The following KRTAP5-9 variants were observed in gnomAD, a reference collection of about 807,000 sequenced individuals.
KRTAP5-9 encodes keratin-associated protein 5-9.
A neutral mutation model predicts 3.0 loss-of-function variants in KRTAP5-9; 2 were observed. That is an observed-to-expected ratio of 0.67 (90% CI 0.27 to 2.09). The LOEUF (loss-of-function observed/expected upper bound fraction) is 2.09. Among genes scored for constraint, KRTAP5-9 ranks in the 30% most tolerant of loss-of-function variants. The pLI is 0.14. For missense variants in KRTAP5-9, 183 were observed against 204.2 expected, an observed-to-expected ratio of 0.90 and a Z score of 0.63; for synonymous variants, 70 against 81.2, an observed-to-expected ratio of 0.86 and a Z score of 0.74.
Position 71,548,583 on chromosome 11 carries a change from G to A in KRTAP5-9, c.-75G>A. 1 of 1,561,866 alleles carries A rather than the reference G, an allele frequency of 6.4e-7. No homozygotes were observed. Among genetic ancestry groups the A allele is most frequent in the Non-Finnish European group, 8.6e-7 (1 of 1,158,990 alleles). ...TCCTATGTGGGATATAAAGAGCCGG[G>A]GCTCAGGGGGCTCCACACCTGCACC... On this transcript the variant is annotated 5_prime_UTR_variant, in exon 1 of 1. Transcript: ENST00000528743.
In KRTAP5-9 at chr11:71,549,378, G is replaced by A; in HGVS notation, c.*211G>A. On this transcript the variant is annotated 3_prime_UTR_variant, in exon 1 of 1. Coordinates refer to ENST00000528743, the MANE Select transcript of KRTAP5-9 (RefSeq NM_005553.4). ...GCAATTTTGCCCCTCTTTCCCACAT[G>A]CCCCCATATGTCTGAGCCAAACTGC... 1 of 716,660 alleles carries A rather than the reference G, an allele frequency of 1.4e-6. No individual in the cohort carries two copies. Among genetic ancestry groups the A allele is most frequent in the Non-Finnish European group, 2.3e-6 (1 of 430,576 alleles). The allele number at this position is 716,660 out of a possible 1,614,324, so 44.4% of individuals were successfully genotyped here. A position where few individuals can be genotyped will look rare whatever the true frequency, so the allele number is the denominator to read the frequency against.
At position 71,549,225 on chromosome 11, in the gene KRTAP5-9, T is replaced by C; in HGVS notation, c.*58T>C. 1 of 1,606,776 alleles carries C rather than the reference T, an allele frequency of 6.2e-7. No homozygotes were observed. On this transcript the variant is annotated 3_prime_UTR_variant, in exon 1 of 1. Coordinates refer to ENST00000528743, the MANE Select transcript of KRTAP5-9 (RefSeq NM_005553.4). ...AGATCTGTGCTTTCCAACAAGTGACTACCCTTGAAGCACATCCCCTTCTGG... is the reference window on the plus strand; with the variant it reads ...AGATCTGTGCTTTCCAACAAGTGACCACCCTTGAAGCACATCCCCTTCTGG...
Position 71,548,772 on chromosome 11 carries a change from G to A in KRTAP5-9, c.115G>A (p.Val39Ile), listed in dbSNP as rs146869772. 4.3e-4 allele frequency: 688 copies of A among 1,613,260 alleles called. 4 individuals are homozygous for A. In the African/African-American group the frequency reaches 8.2e-3, roughly 19 times the overall value. The change falls in exon 1 of 1, where the codon GTC becomes ATC. Residue 39 changes from valine (V) to isoleucine (I), a missense_variant. Transcript: ENST00000528743. The stretch of plus-strand genomic sequence containing the variant: ...CTGTGGCCCCAGCTGCTGTGCACCC[G>A]TCTACTGCTGCAAGCCCGTGTGCTG... ...RGCGPSCCAP[V>I]YCCKPVCCCV... is the part of the protein sequence containing the mutation.
chr11:71,549,121 C>G lies in KRTAP5-9; in HGVS notation c.464C>G (p.Ser155Cys), dbSNP rs764178563. Reference protein sequence around the residue: ...CQSSCCKPCCSQSRCCVPVCY... With the variant: ...CQSSCCKPCCCQSRCCVPVCY... ...TCCAGCTGCTGCAAGCCCTGCTGCTCCCAGTCCAGATGCTGTGTCCCTGTG... is the reference window on the plus strand; with the variant it reads ...TCCAGCTGCTGCAAGCCCTGCTGCTGCCAGTCCAGATGCTGTGTCCCTGTG... The change falls in exon 1 of 1, where the codon TCC becomes TGC. Residue 155 changes from serine (S) to cysteine (C), a missense_variant. Transcript: ENST00000528743. 12 of 1,613,908 alleles carry G rather than the reference C, an allele frequency of 7.4e-6. No individual in the cohort carries two copies. In the South Asian group the frequency reaches 1.3e-4, roughly 18 times the overall value.
chr11:71,548,712 T>C lies in KRTAP5-9; in HGVS notation c.55T>C (p.Ser19Pro), dbSNP rs372093334. The C allele has an allele frequency of 2.5e-6, 4 of 1,612,814 alleles. No individual in the cohort carries two copies. The African/African-American group carries it at 5.3e-5, about 22-fold the overall frequency. ...GCGSSCGGCD[S>P]SCGSCGSGCR... The stretch of plus-strand genomic sequence containing the variant: ...TGGCTCCAGCTGTGGAGGCTGTGAC[T>C]CCAGCTGTGGGAGCTGTGGCTCTGG... Residue 19 changes from serine to proline, a missense_variant, in exon 1 of 1, where the codon TCC (serine) becomes CCC (proline). Physicochemically the swap from Ser to Pro is moderately conservative, Grantham distance 74 (BLOSUM62 -1). Coordinates refer to ENST00000528743, the MANE Select transcript of KRTAP5-9 (RefSeq NM_005553.4).
Position 71,549,480 on chromosome 11 carries a change from T to G in KRTAP5-9, c.*313T>G. ...AATTCCATGGGAGACAGCAAACCCT[T>G]CTTTCCTTTGCCTGCCAGGAGCTTC... On this transcript the variant is annotated 3_prime_UTR_variant, in exon 1 of 1. Coordinates refer to ENST00000528743, the MANE Select transcript of KRTAP5-9 (RefSeq NM_005553.4). 1 of 491,904 alleles carries G rather than the reference T, an allele frequency of 2.0e-6. No individual in the cohort carries two copies. The highest frequency in any genetic ancestry group is 3.7e-5 in the East Asian group (1 of 27,322). 30.5% of individuals were successfully genotyped at this position (491,904 alleles called of 1,614,324 possible).
rs1950113514 is a variant in KRTAP5-9 at position 71,549,566 on chromosome 11, A to G, written c.*399A>G. ...GATCACATGTATCTATGGAAATCCA[A>G]AATGCATCTGGGTGCAGCACTAAAT... On this transcript the variant is annotated 3_prime_UTR_variant, in exon 1 of 1. Transcript: ENST00000528743. 1 of 298,584 alleles carries G rather than the reference A, an allele frequency of 3.3e-6. No homozygotes were observed. Among genetic ancestry groups the G allele is most frequent in the Non-Finnish European group, 6.6e-6 (1 of 151,050 alleles). The allele number at this position is 298,584 out of a possible 1,614,324, so 18.5% of individuals were successfully genotyped here. A position where few individuals can be genotyped will look rare whatever the true frequency, so the allele number is the denominator to read the frequency against.
chr11:71,549,106 G>A lies in KRTAP5-9; in HGVS notation c.449G>A (p.Cys150Tyr), dbSNP rs1278355255. The change falls in exon 1 of 1, where the codon TGC (cysteine) becomes TAC (tyrosine). Residue 150 changes from cysteine to tyrosine, a missense_variant. Cys to Tyr is a radical substitution (Grantham distance 194). Transcript: ENST00000528743. Reference sequence around the variant, plus strand: ...TCATCCTGCTGCCAGTCCAGCTGCTGCAAGCCCTGCTGCTCCCAGTCCAGA... The same window carrying A: ...TCATCCTGCTGCCAGTCCAGCTGCTACAAGCCCTGCTGCTCCCAGTCCAGA... ...CGSSCCQSSC[C>Y]KPCCSQSRCC... 2 of 1,613,792 alleles carry A rather than the reference G, an allele frequency of 1.2e-6. No individual in the cohort carries two copies. Among genetic ancestry groups the A allele is most frequent in the East Asian group, 2.2e-5 (1 of 44,880 alleles).
chr11:71,549,130 G>C lies in KRTAP5-9; in HGVS notation c.473G>C (p.Arg158Thr). 6.2e-7 allele frequency: 1 copy of C among 1,614,240 alleles called. No homozygotes were observed. Among genetic ancestry groups the C allele is most frequent in the Non-Finnish European group, 8.5e-7 (1 of 1,180,038 alleles). Residue 158 changes from arginine (R) to threonine (T), a missense_variant, in exon 1 of 1, where the codon AGA becomes ACA. Transcript: ENST00000528743. Reference protein sequence around the residue: ...SCCKPCCSQSRCCVPVCYQCK... With the variant: ...SCCKPCCSQSTCCVPVCYQCK... ...TGCAAGCCCTGCTGCTCCCAGTCCA[G>C]ATGCTGTGTCCCTGTGTGCTACCAG...
In KRTAP5-9 at chr11:71,548,836, G is replaced by C; in HGVS notation, c.179G>C (p.Arg60Pro). The C allele has an allele frequency of 6.2e-7, 1 of 1,614,128 alleles. No individual in the cohort carries two copies. The highest frequency in any genetic ancestry group is 8.5e-7 in the Non-Finnish European group (1 of 1,180,028). Reference protein sequence around the residue: ...PACSCSSCGKRGCGSCGGSKG... With the variant: ...PACSCSSCGKPGCGSCGGSKG... ...TGTTCCTGCTCTAGCTGTGGCAAGC[G>C]GGGCTGTGGCTCCTGTGGGGGCTCC... is the stretch of plus-strand genomic sequence containing the variant. The change falls in exon 1 of 1, where the codon CGG becomes CCG. Residue 60 changes from arginine (R) to proline (P), a missense_variant. By Grantham distance (103) the Arg-to-Pro change is moderately radical. Coordinates refer to ENST00000528743, the MANE Select transcript of KRTAP5-9 (RefSeq NM_005553.4).
Position 71,548,701 on chromosome 11 carries a change from G to C in KRTAP5-9, c.44G>C (p.Gly15Ala). The C allele has an allele frequency of 6.2e-7, 1 of 1,612,680 alleles. No homozygotes were observed. The highest frequency in any genetic ancestry group is 8.5e-7 in the Non-Finnish European group (1 of 1,179,872). Residue 15 changes from glycine to alanine, a missense_variant, in exon 1 of 1, where the codon GGA becomes GCA. By Grantham distance (60) the Gly-to-Ala change is moderately conservative. Coordinates refer to ENST00000528743, the MANE Select transcript of KRTAP5-9 (RefSeq NM_005553.4). ...GCSGGCGSSC[G>A]GCDSSCGSCG... ...TCCGGAGGCTGTGGCTCCAGCTGTGGAGGCTGTGACTCCAGCTGTGGGAGC... is the reference window on the plus strand; with the variant it reads ...TCCGGAGGCTGTGGCTCCAGCTGTGCAGGCTGTGACTCCAGCTGTGGGAGC...
In KRTAP5-9 at chr11:71,549,354, C is replaced by T. The variant is rs1407509308; in HGVS notation, c.*187C>T. ...CTATAAGAATATCCCAAGACCCAGG[C>T]AATTTTGCCCCTCTTTCCCACATGC... On this transcript the variant is annotated 3_prime_UTR_variant, in exon 1 of 1. Transcript: ENST00000528743. The T allele has an allele frequency of 1.1e-6, 1 of 921,432 alleles. No homozygotes were observed. The highest frequency in any genetic ancestry group is 1.6e-6 in the Non-Finnish European group (1 of 616,426). 57.1% of individuals were successfully genotyped at this position (921,432 alleles called of 1,614,324 possible). A position where few individuals can be genotyped will look rare whatever the true frequency, so the allele number is the denominator to read the frequency against.
In KRTAP5-9 at chr11:71,549,114, T is replaced by C; in HGVS notation, c.457T>C (p.Cys153Arg). The change falls in exon 1 of 1, where the codon TGC (cysteine) becomes CGC (arginine). Residue 153 changes from cysteine to arginine, a missense_variant. Cys to Arg is a radical substitution (Grantham distance 180). Coordinates refer to ENST00000528743, the MANE Select transcript of KRTAP5-9 (RefSeq NM_005553.4). ...CTGCCAGTCCAGCTGCTGCAAGCCC[T>C]GCTGCTCCCAGTCCAGATGCTGTGT... ...SCCQSSCCKPCCSQSRCCVPV... is the reference protein window; with the variant it reads ...SCCQSSCCKPRCSQSRCCVPV... 1 of 1,613,826 alleles carries C rather than the reference T, an allele frequency of 6.2e-7. No homozygotes were observed. The highest frequency in any genetic ancestry group is 8.5e-7 in the Non-Finnish European group (1 of 1,179,706).
rs753676568 is a variant in KRTAP5-9, at chr11:71,548,910, C to T, written c.253C>T (p.Pro85Ser). 6.2e-7 allele frequency: 1 copy of T among 1,614,084 alleles called. No homozygotes were observed. The highest frequency in any genetic ancestry group is 8.5e-7 in the Non-Finnish European group (1 of 1,179,998). Residue 85 changes from proline (P) to serine (S), a missense_variant, in exon 1 of 1, where the codon CCC becomes TCC. By Grantham distance (74) the Pro-to-Ser change is moderately conservative. Transcript: ENST00000528743. ...CGCSQCSCCK[P>S]CCCSSGCGSS... ...CTGCTCCCAGTGCAGTTGCTGCAAGCCCTGCTGTTGCTCTTCAGGCTGTGG... is the reference window on the plus strand; with the variant it reads ...CTGCTCCCAGTGCAGTTGCTGCAAGTCCTGCTGTTGCTCTTCAGGCTGTGG...
Position 71,549,263 on chromosome 11 carries a change from C to G in KRTAP5-9, c.*96C>G, listed in dbSNP as rs1469449149. 30 of 1,547,352 alleles carry G rather than the reference C, an allele frequency of 1.9e-5. No homozygotes were observed. The Admixed American group carries it at 4.6e-4, about 23-fold the overall frequency. ...CATCCCCTTCTGGATCTGAAAAGAG[C>G]CCTTGGCTCAGGGCGTCTTTTTCCA... On this transcript the variant is annotated 3_prime_UTR_variant, in exon 1 of 1. Transcript: ENST00000528743.
At position 71,548,865 on chromosome 11, in the gene KRTAP5-9, G is replaced by A; in HGVS notation, c.208G>A (p.Gly70Arg). Residue 70 changes from glycine to arginine, a missense_variant, in exon 1 of 1, where the codon GGA becomes AGA. Coordinates refer to ENST00000528743, the MANE Select transcript of KRTAP5-9 (RefSeq NM_005553.4). Reference protein sequence around the residue: ...RGCGSCGGSKGGCGSCGCSQC... With the variant: ...RGCGSCGGSKRGCGSCGCSQC... ...CTGTGGCTCCTGTGGGGGCTCCAAGGGAGGCTGTGGTTCTTGTGGCTGCTC... is the reference window on the plus strand; with the variant it reads ...CTGTGGCTCCTGTGGGGGCTCCAAGAGAGGCTGTGGTTCTTGTGGCTGCTC... 3 of 1,614,160 alleles carry A rather than the reference G, an allele frequency of 1.9e-6. No individual in the cohort carries two copies. The highest frequency in any genetic ancestry group is 2.5e-6 in the Non-Finnish European group (3 of 1,180,020).
chr11:71,548,692 C>T lies in KRTAP5-9; in HGVS notation c.35C>T (p.Ser12Phe), dbSNP rs1316340948. Residue 12 changes from serine to phenylalanine, a missense_variant, in exon 1 of 1, where the codon TCC (serine) becomes TTC (phenylalanine). By Grantham distance (155) the Ser-to-Phe change is radical. Coordinates refer to ENST00000528743, the MANE Select transcript of KRTAP5-9 (RefSeq NM_005553.4). ...TGTGGCTGCTCCGGAGGCTGTGGCTCCAGCTGTGGAGGCTGTGACTCCAGC... is the reference window on the plus strand; with the variant it reads ...TGTGGCTGCTCCGGAGGCTGTGGCTTCAGCTGTGGAGGCTGTGACTCCAGC... ...GCCGCSGGCG[S>F]SCGGCDSSCG... 2 of 1,612,320 alleles carry T rather than the reference C, an allele frequency of 1.2e-6. No individual in the cohort carries two copies. Among genetic ancestry groups the T allele is most frequent in the East Asian group, 2.2e-5 (1 of 44,878 alleles).
In KRTAP5-9 at chr11:71,549,240, T is replaced by TC. The variant is rs879132170; in HGVS notation, c.*77dup. 6.3e-7 allele frequency: 1 copy of TC among 1,594,648 alleles called. No homozygotes were observed. Among genetic ancestry groups the TC allele is most frequent in the South Asian group, 1.1e-5 (1 of 88,832 alleles). The stretch of plus-strand genomic sequence containing the variant: ...AACAAGTGACTACCCTTGAAGCACA[T>TC]CCCCTTCTGGATCTGAAAAGAGCCC... On this transcript the variant is annotated 3_prime_UTR_variant, in exon 1 of 1. Transcript: ENST00000528743.
chr11:71,549,330 T>A lies in KRTAP5-9; in HGVS notation c.*163T>A. 1 of 1,067,854 alleles carries A rather than the reference T, an allele frequency of 9.4e-7. No homozygotes were observed. The highest frequency in any genetic ancestry group is 1.3e-6 in the Non-Finnish European group (1 of 743,296). 66.1% of individuals were successfully genotyped at this position (1,067,854 alleles called of 1,614,324 possible). On this transcript the variant is annotated 3_prime_UTR_variant, in exon 1 of 1. Transcript: ENST00000528743. ...AATGAACCACTCCCTGCCCATTCCC[T>A]ATAAGAATATCCCAAGACCCAGGCA...
Sources: allele counts gnomAD v4.1 joint callset, GRCh38; gene constraint gnomAD v4.1.1; transcripts MANE v1.5; gene names NCBI Gene and HGNC (gene_info 2026-07-23, HGNC 2026-07-21).